The following ANKRD17 variants were observed in gnomAD, a reference collection of about 807,000 sequenced individuals.
ANKRD17 encodes ankyrin repeat domain 17.
In ANKRD17, 19 loss-of-function variants were observed where a neutral mutation model predicts 229.7. The ratio of observed to expected loss-of-function variants is 0.08; its 90% CI spans 0.06 to 0.12. The LOEUF (loss-of-function observed/expected upper bound fraction) is 0.12. Among genes scored for constraint, ANKRD17 ranks in the 10% least tolerant of loss-of-function variants. The pLI is 1.00. For missense variants in ANKRD17, 2,176 were observed against 3,176.8 expected (o/e 0.68, Z 7.57); for synonymous variants, 1,112 against 1,146.1 (o/e 0.97, Z 0.60).
At chr4:73,175,387 G>A (rs1028469602) in intron 2 of ANKRD17, among the ~76,000 whole-genome samples, 1 of 152,060 alleles carries the variant, frequency 6.6e-6, no homozygotes, top group Admixed American at 6.5e-5. Flanking sequence ...CTTGACACAT[G>A]GGGATAATGG....
At chr4:73,157,152 T>C (rs548125073) in intron 3 of ANKRD17, among the ~76,000 whole-genome samples, 7 of 152,118 alleles carry the variant, frequency 4.6e-5, no homozygotes, top group Non-Finnish European at 8.8e-5. Flanking sequence ...GTAGAAAATT[T>C]TTTATAAAAT....
chr4:73,179,488 G>GTATATATA lies in ANKRD17; in HGVS notation c.394-1963_394-1956dup, dbSNP rs1169079744. ...TATATGTGTGTGTGTGTGTGTGTGT[G>GTATATATA]TATATATATATATATATATATATAT... On this transcript the variant is annotated intron_variant, in intron 1 of 33. Transcript: ENST00000358602. Among the ~76,000 whole-genome samples, 28 of 48,214 alleles carry GTATATATA rather than the reference G, an allele frequency of 5.8e-4. 1 individual carries two copies. The highest frequency in any genetic ancestry group is 3.5e-4 in the African/African-American group (4 of 11,336). 31.6% of individuals were successfully genotyped at this position (48,214 alleles called of 152,430 possible).
intron 1 of ANKRD17, among the ~76,000 whole-genome samples, chr4:73,201,476 C>A (rs1738668760): frequency 6.6e-6 from 1 of 151,000 alleles, no homozygotes; most frequent in Non-Finnish European, 1.5e-5. Flanking sequence ...AAAATGTAAA[C>A]AGTGCGTGAG....
At chr4:73,197,037 T>C (rs1386266359) in intron 1 of ANKRD17, among the ~76,000 whole-genome samples, 1 of 152,182 alleles carries the variant, frequency 6.6e-6, no homozygotes, top group Non-Finnish European at 1.5e-5. Context: ...GATAGTCTGC[T>C]AGTCATTCAG....
intron 3 of ANKRD17, among the ~76,000 whole-genome samples, chr4:73,160,248 C>T (rs546241271): frequency 1.1e-4 from 11 of 104,312 alleles, no homozygotes; most frequent in Admixed American, 6.5e-4. Flanking sequence ...GATGGAGTTT[C>T]GCTCTTGTTG....
At chr4:73,173,489 T>C (rs536858516) in intron 2 of ANKRD17, among the ~76,000 whole-genome samples, 2 of 152,110 alleles carry the variant, frequency 1.3e-5, no homozygotes, top group African/African-American at 2.4e-5. Context: ...ATGGGCAGAA[T>C]AGCATGTGGA....
intron 1 of ANKRD17, among the ~76,000 whole-genome samples, chr4:73,189,070 G>A (rs1474058014): frequency 6.6e-6 from 1 of 152,084 alleles, no homozygotes; most frequent in Non-Finnish European, 1.5e-5. Flanking sequence ...TGAATTTAGA[G>A]GCAACTTCTA....
intron 1 of ANKRD17, among the ~76,000 whole-genome samples, chr4:73,243,117 T>C (rs891526580): frequency 6.6e-6 from 1 of 152,148 alleles, no homozygotes. Flanking sequence ...AAAGTCTGCA[T>C]GTTTCAAAAC....
intron 16 of ANKRD17, among the ~76,000 whole-genome samples, chr4:73,125,968 T>C (rs1206094968): frequency 6.6e-6 from 1 of 152,144 alleles, no homozygotes; most frequent in Non-Finnish European, 1.5e-5. Context: ...AAAAAACCTC[T>C]TTGAAACGAT....
chr4:73,153,388 G>T (rs1221457213), intron 6 of ANKRD17, among the ~76,000 whole-genome samples: 4 of 151,920 alleles, frequency 2.6e-5, no homozygotes, highest in Non-Finnish European at 4.4e-5. Context: ...CCATTTATCT[G>T]TCATACATGT....
chr4:73,178,382 A>G (rs752604979), intron 1 of ANKRD17, among the ~76,000 whole-genome samples: 2 of 152,182 alleles, frequency 1.3e-5, no homozygotes, highest in Non-Finnish European at 2.9e-5. Context: ...ATTTTGTTAC[A>G]CACACTAATA....
rs879034243 is a variant in ANKRD17, at chr4:73,078,544, G to GAA, written c.7408+96_7408+97dup. 3.0e-4 allele frequency: 335 copies of GAA among 1,105,518 alleles called. 2 individuals carry two copies. The highest frequency in any genetic ancestry group is 1.9e-3 in the South Asian group (99 of 52,672). 68.5% of individuals were successfully genotyped at this position (1,105,518 alleles called of 1,614,324 possible). On this transcript the variant is annotated intron_variant, in intron 31 of 33. Transcript: ENST00000358602. ...CAAGTGAAACTCCATCTCAAAAAAA[G>GAA]AAAAAAAAAAAGGAAATGACTATTA...
intron 2 of ANKRD17, among the ~76,000 whole-genome samples, chr4:73,169,356 A>T (rs917594403): frequency 6.6e-6 from 1 of 152,252 alleles, no homozygotes; most frequent in Admixed American, 6.5e-5. Context: ...AGTGCCAGCT[A>T]AGACACAGTA....
At chr4:73,139,510 C>T in intron 15 of ANKRD17, 21 bp downstream of exon 15, 1 of 1,590,464 alleles carries the variant, frequency 6.3e-7, no homozygotes, top group Non-Finnish European at 8.6e-7. Context: ...TTGATACCTG[C>T]TCATAACAAT....
Position 73,090,827 on chromosome 4 carries a change from G to A in ANKRD17, c.6801C>T (p.Ala2267=), listed in dbSNP as rs1722724015. 1 of 1,614,206 alleles carries A rather than the reference G, an allele frequency of 6.2e-7. No homozygotes were observed. Among genetic ancestry groups the A allele is most frequent in the Non-Finnish European group, 8.5e-7 (1 of 1,180,046 alleles). ...ATGAAACAACAGATCCTCCCCAGAAGGCATGAGCAGAAGTAGGGCTGTTTT... is the reference window on the plus strand; with the variant it reads ...ATGAAACAACAGATCCTCCCCAGAAAGCATGAGCAGAAGTAGGGCTGTTTT... ...LFENSPTSAH[A]FWGGSVVSSQ... The change falls in exon 29 of 34, where the codon GCC becomes GCT. Residue 2267 remains alanine, a synonymous_variant. Coordinates refer to ENST00000358602, the MANE Select transcript of ANKRD17 (RefSeq NM_032217.5).
intron 6 of ANKRD17, 144 bp from the exon 7 acceptor site, chr4:73,151,668 T>C (rs764708886): frequency 1.3e-5 from 7 of 551,158 alleles, no homozygotes; most frequent in African/African-American, 1.9e-5. Context: ...CCACCCTCAA[T>C]TGTAGAACAC....
intron 24 of ANKRD17, 77 bp from the exon 25 acceptor site, chr4:73,102,624 C>A: frequency 6.7e-7 from 1 of 1,488,196 alleles, no homozygotes; most frequent in South Asian, 1.2e-5. Flanking sequence ...ATCATTTAAT[C>A]ATAAGGAAAC....
At chr4:73,217,077 T>C (rs1056653251) in intron 1 of ANKRD17, among the ~76,000 whole-genome samples, 4 of 152,192 alleles carry the variant, frequency 2.6e-5, no homozygotes, top group African/African-American at 9.7e-5. Flanking sequence ...AAAGGGCCAA[T>C]GTTGTTGCCT....
At chr4:73,164,485 T>C (rs1355230872) in intron 2 of ANKRD17, among the ~76,000 whole-genome samples, 1 of 152,208 alleles carries the variant, frequency 6.6e-6, no homozygotes, top group African/African-American at 2.4e-5. Context: ...TATCCAGCTA[T>C]TGAATATTAA....
Sources: allele counts gnomAD v4.1 joint callset (sites outside exome capture counted in the v4.1 genomes callset), GRCh38; gene constraint gnomAD v4.1.1; transcripts MANE v1.5; gene names NCBI Gene and HGNC (gene_info 2026-07-23, HGNC 2026-07-21).